ANKFY1: variants seen among roughly 807,000 people sequenced by gnomAD.
ANKFY1 encodes ankyrin repeat and FYVE domain-containing protein 1.
A neutral mutation model predicts 128.3 loss-of-function variants in ANKFY1; 47 were observed. The ratio of observed to expected loss-of-function variants is 0.37; its 90% confidence interval spans 0.29 to 0.47. ANKFY1 has a LOEUF of 0.47. Ranked by LOEUF, ANKFY1 falls within the 20% of genes least tolerant of loss-of-function variation. ANKFY1 has a pLI of 1.00. For missense variants in ANKFY1, 1,222 were observed against 1,510.6 expected (o/e 0.81, Z 3.17); for synonymous variants, 553 against 601.6 (o/e 0.92, Z 1.18).
rs2059452634 is a variant in ANKFY1 at position 4,178,684 on chromosome 17, G to GATCTCATCCTGCACGGATGGGAC, written c.2598+150_2598+172dup. 1.5e-6 allele frequency: 1 copy of GATCTCATCCTGCACGGATGGGAC among 669,676 alleles called. No individual in the cohort carries two copies. The highest frequency in any genetic ancestry group is 1.8e-5 in the African/African-American group (1 of 55,494). 41.5% of individuals were successfully genotyped at this position (669,676 alleles called of 1,614,324 possible). On this transcript the variant is annotated intron_variant, in intron 18 of 24. Transcript: ENST00000341657. The surrounding 1 kb of genome is among the most constrained non-coding windows in gnomAD (Gnocchi z 4.1). ...CGCTGACACACAGGCAGAGGAGCCG[G>GATCTCATCCTGCACGGATGGGAC]ATCTCATCCTGCACGGATGGGACAT...
intron 2 of ANKFY1, among the ~76,000 whole-genome samples, chr17:4,240,597 G>T (rs1270283659): frequency 1.3e-5 from 2 of 150,302 alleles, no homozygotes; most frequent in Non-Finnish European, 3.0e-5. Flanking sequence ...CCACCTTGTT[G>T]GTCAGGCTGG....
chr17:4,181,812 G>A lies in ANKFY1; in HGVS notation c.2121+369C>T, dbSNP rs140168196. 3.3e-3 allele frequency among the ~76,000 whole-genome samples: 497 copies of A among 152,282 alleles called. 3 individuals carry two copies. The highest frequency in any genetic ancestry group is 0.012 in the African/African-American group (478 of 41,550). ...CGGAGAGCTGAATGAGAATGTGCAG[G>A]TTTGCCTCCACTTTTGGGGCCTGTC... is the stretch of plus-strand genomic sequence containing the variant. On this transcript the variant is annotated intron_variant, in intron 15 of 24. Coordinates refer to ENST00000341657, the MANE Select transcript of ANKFY1 (RefSeq NM_001330063.2). The surrounding 1 kb of genome is among the most constrained non-coding windows in gnomAD (Gnocchi z 4.9).
intron 1 of ANKFY1, among the ~76,000 whole-genome samples, chr17:4,248,890 A>G (rs1278397595): frequency 6.6e-6 from 1 of 152,166 alleles, no homozygotes; most frequent in East Asian, 1.9e-4. Context: ...CAATTTTCTC[A>G]TATTTCTTTC....
chr17:4,202,696 C>CAAAAAAAA (rs60561665), intron 7 of ANKFY1, among the ~76,000 whole-genome samples: 13 of 74,742 alleles, frequency 1.7e-4, no homozygotes, highest in South Asian at 1.0e-3. Flanking sequence ...AACTCCGTCT[C>CAAAAAAAA]AAAAAAAAAA....
Position 4,167,076 on chromosome 17 carries a change from G to A in ANKFY1, c.*703C>T, listed in dbSNP as rs538119594. 1 of 152,774 alleles carries A rather than the reference G, an allele frequency of 6.5e-6. No individual in the cohort carries two copies. The highest frequency in any genetic ancestry group is 6.5e-5 in the Admixed American group (1 of 15,304). The allele number at this position is 152,774 out of a possible 1,614,324, so 9.5% of individuals were successfully genotyped here. A position where few individuals can be genotyped will look rare whatever the true frequency, so the allele number is the denominator to read the frequency against. The stretch of plus-strand genomic sequence containing the variant: ...ACAGGACGCAGCAAGACGAGAGAAT[G>A]AGACGGCTGCTACGAGGTGTCAAGC... On this transcript the variant is annotated 3_prime_UTR_variant, in exon 25 of 25. Transcript: ENST00000341657. The surrounding 1 kb of genome is among the most constrained non-coding windows in gnomAD (Gnocchi z 4.1).
At chr17:4,231,125 T>C (rs1168383395) in intron 3 of ANKFY1, among the ~76,000 whole-genome samples, 2 of 152,240 alleles carry the variant, frequency 1.3e-5, no homozygotes, top group African/African-American at 4.8e-5. Context: ...CTCTGGCTGA[T>C]TATTTTGAGA....
At chr17:4,226,574 A>AG (rs1245909958) in intron 3 of ANKFY1, among the ~76,000 whole-genome samples, 2 of 152,120 alleles carry the variant, frequency 1.3e-5, no homozygotes, top group East Asian at 3.8e-4. Context: ...AAAGAAAAAA[A>AG]GGACAGAAAT....
In ANKFY1 at chr17:4,173,463, T is replaced by C. The variant is rs2059359750; in HGVS notation, c.2924-19A>G. The C allele has an allele frequency of 1.2e-6, 2 of 1,611,402 alleles. No homozygotes were observed. The highest frequency in any genetic ancestry group is 1.7e-6 in the Non-Finnish European group (2 of 1,177,682). The stretch of plus-strand genomic sequence containing the variant: ...TGAAGAGCTGGGAAGTAAATCCTCT[T>C]ACTATGCAAGCCCAGAAGCACATGC... On this transcript the variant is annotated intron_variant, in intron 20 of 24. Transcript: ENST00000341657.
intron 21 of ANKFY1, among the ~76,000 whole-genome samples, chr17:4,173,079 AT>A (rs1210446747): frequency 6.6e-6 from 1 of 152,192 alleles, no homozygotes; most frequent in Non-Finnish European, 1.5e-5. Context: ...GACGGTCTCG[AT>A]CTCCTGACCT....
chr17:4,245,582 C>A (rs1967495415), intron 1 of ANKFY1, among the ~76,000 whole-genome samples: 1 of 151,592 alleles, frequency 6.6e-6, no homozygotes, highest in Non-Finnish European at 1.5e-5. Flanking sequence ...CAGGCTCAAG[C>A]GACCCACCTG....
intron 1 of ANKFY1, among the ~76,000 whole-genome samples, chr17:4,246,631 T>C (rs377214109): frequency 6.6e-6 from 1 of 152,152 alleles, no homozygotes; most frequent in Admixed American, 6.5e-5. Context: ...ACCTGAACCC[T>C]CTAACCTTGG....
intron 16 of ANKFY1, chr17:4,180,082 A>G: frequency 1.6e-6 from 1 of 617,032 alleles, no homozygotes. Flanking sequence ...GGGGTGGGCA[A>G]CCCGGGCATC....
rs776926112 is a variant in ANKFY1, at chr17:4,217,011, G to A, written c.430C>T (p.Arg144Trp). Reference protein sequence around the residue: ...FLTELMKLANRFQLQLLRERC... With the variant: ...FLTELMKLANWFQLQLLRERC... ...TCCCTGAGGAGCTGTAGCTGAAACCGATTTGCTAGTTTCATCAGTTCAGTC... is the reference window on the plus strand; with the variant it reads ...TCCCTGAGGAGCTGTAGCTGAAACCAATTTGCTAGTTTCATCAGTTCAGTC... Residue 144 changes from arginine to tryptophan, a missense_variant, in exon 4 of 25, where the codon CGG becomes TGG. By Grantham distance (101) the Arg-to-Trp change is moderately radical (BLOSUM62 -3). Transcript: ENST00000341657. 4.3e-6 allele frequency: 7 copies of A among 1,614,128 alleles called. No individual in the cohort carries two copies. The highest frequency in any genetic ancestry group is 3.3e-5 in the South Asian group (3 of 91,074).
In ANKFY1 at chr17:4,178,846, T is replaced by C. The variant is rs2059455980; in HGVS notation, c.2598+11A>G. On this transcript the variant is annotated intron_variant, in intron 18 of 24. Coordinates refer to ENST00000341657, the MANE Select transcript of ANKFY1 (RefSeq NM_001330063.2). The surrounding 1 kb of genome is among the most constrained non-coding windows in gnomAD (Gnocchi z 4.1). ...GGACCATGTGGAGAAGGTCAGGTGT[T>C]ATTCACTCACCTGCTCAGCAGCCCC... 1.9e-6 allele frequency: 3 copies of C among 1,613,372 alleles called. No individual in the cohort carries two copies. The highest frequency in any genetic ancestry group is 2.5e-6 in the Non-Finnish European group (3 of 1,179,456).
chr17:4,175,036 AAAAG>A lies in ANKFY1; in HGVS notation c.2776-984_2776-981del, dbSNP rs1468448959. 8.0e-5 allele frequency among the ~76,000 whole-genome samples: 12 copies of A among 149,978 alleles called. No individual in the cohort carries two copies. The South Asian group carries it at 2.5e-3, about 31-fold the overall frequency. On this transcript the variant is annotated intron_variant, in intron 19 of 24. Transcript: ENST00000341657. ...AGCCACTGCACCCGGCCTGTTTTTT[AAAAG>A]AAAGAACACAGGCCGGGTGCAGTGG...
intron 7 of ANKFY1, among the ~76,000 whole-genome samples, chr17:4,204,487 G>A (rs1253088324): frequency 6.6e-6 from 1 of 152,140 alleles, no homozygotes. Flanking sequence ...GCAAAATCAA[G>A]TTTATTATAC....
chr17:4,197,778 T>C (rs1252576119), intron 7 of ANKFY1, among the ~76,000 whole-genome samples: 3 of 152,196 alleles, frequency 2.0e-5, no homozygotes, highest in Non-Finnish European at 4.4e-5. Flanking sequence ...GCTCAATTTT[T>C]GGTTACCTGT....
intron 10 of ANKFY1, among the ~76,000 whole-genome samples, chr17:4,190,087 C>G (rs982227148): frequency 2.0e-5 from 3 of 152,138 alleles, no homozygotes; most frequent in African/African-American, 7.2e-5. Context: ...GTTGTGGGGT[C>G]TGTTCTGCAC....
intron 20 of ANKFY1, among the ~76,000 whole-genome samples, 162 bp downstream of exon 20, chr17:4,173,747 G>A (rs1304958627): frequency 1.3e-5 from 2 of 152,202 alleles, no homozygotes; most frequent in East Asian, 3.8e-4. Context: ...CCCAAGGCCT[G>A]GGCAGTCGCA....
Sources: allele counts gnomAD v4.1 joint callset (sites outside exome capture counted in the v4.1 genomes callset), GRCh38; gene constraint gnomAD v4.1.1; non-coding constraint Gnocchi (gnomAD v3.1); transcripts MANE v1.5; gene names NCBI Gene and HGNC (gene_info 2026-07-23, HGNC 2026-07-21).